Variants in PTPDC1 observed in about 807,000 individuals in gnomAD.
The protein encoded by PTPDC1 is protein tyrosine phosphatase domain-containing protein 1.
Under a neutral mutation model 75.3 loss-of-function variants are expected in PTPDC1, and 53 were observed. The ratio of observed to expected loss-of-function variants is 0.70; its 90% CI spans 0.56 to 0.88. PTPDC1 has a LOEUF of 0.88. PTPDC1 is among the 40% of genes least tolerant of loss of function. PTPDC1 has a pLI of 0.00. For synonymous variants in PTPDC1, 349 were observed against 366.2 expected (o/e 0.95, Z 0.54); for missense variants, 925 against 998.6 (o/e 0.93, Z 0.99).
Position 94,084,594 on chromosome 9 carries a change from G to A in PTPDC1, c.64G>A (p.Gly22Ser), listed in dbSNP as rs1188097586. 1.2e-6 allele frequency: 2 copies of A among 1,613,678 alleles called. No individual in the cohort carries two copies. The highest frequency in any genetic ancestry group is 2.2e-5 in the South Asian group (2 of 91,028). The change falls in exon 1 of 9, where the codon GGC (glycine) becomes AGC (serine). Residue 22 changes from glycine (G) to serine (S), a missense_variant. Coordinates refer to ENST00000620992, the MANE Select transcript of PTPDC1 (RefSeq NM_001253829.2). ...AVRFLSSFLQ[G>S]RRHSTSDPVL... The stretch of plus-strand genomic sequence containing the variant: ...GCGCTTCCTCAGCTCCTTTCTCCAG[G>A]GCCGCCGGCACTCCACCTCAGACCC...
intron 2 of PTPDC1, among the ~76,000 whole-genome samples, chr9:94,070,173 T>G (rs1826464138): frequency 6.6e-6 from 1 of 152,186 alleles, no homozygotes; most frequent in East Asian, 1.9e-4. Context: ...GCTGTTCCCA[T>G]TTATAATTAT....
At chr9:94,102,018 A>C (rs73653435) in intron 7 of PTPDC1, among the ~76,000 whole-genome samples, 4,433 of 152,310 alleles carry the variant, frequency 0.029, 203 homozygotes, top group African/African-American at 0.1. Context: ...ATGTATATTA[A>C]CTTGTTAAAA....
At chr9:94,099,133 TACGTGCC>T (rs1313265932) in intron 6 of PTPDC1, among the ~76,000 whole-genome samples, 1 of 152,254 alleles carries the variant, frequency 6.6e-6, no homozygotes, top group Non-Finnish European at 1.5e-5. Flanking sequence ...CACAGATTAC[TACGTGCC>T]ATTCACTTTA....
intron 2 of PTPDC1, among the ~76,000 whole-genome samples, chr9:94,070,075 T>G (rs920913246): frequency 5.4e-5 from 8 of 146,928 alleles, no homozygotes; most frequent in African/African-American, 2.0e-4. Flanking sequence ...CGCCCGCCTC[T>G]GCCTCCCAAA....
rs1366814117 is a variant in PTPDC1 at position 94,108,264 on chromosome 9, C to T, written c.*320C>T. On this transcript the variant is annotated 3_prime_UTR_variant, in exon 9 of 9. Coordinates refer to ENST00000620992, the MANE Select transcript of PTPDC1 (RefSeq NM_001253829.2). Reference sequence around the variant, plus strand: ...TTTCTTTTGACATTTTGGAAATAATCATAACTTGTCTTTCCAAAATAACCA... The same window carrying T: ...TTTCTTTTGACATTTTGGAAATAATTATAACTTGTCTTTCCAAAATAACCA... The T allele has an allele frequency of 6.1e-6, 1 of 162,748 alleles. No homozygotes were observed. Among genetic ancestry groups the T allele is most frequent in the Non-Finnish European group, 1.3e-5 (1 of 74,948 alleles). The allele number at this position is 162,748 out of a possible 1,614,324, so 10.1% of individuals were successfully genotyped here.
chr9:94,085,405 G>A lies in PTPDC1; in HGVS notation c.399G>A (p.Lys133=), dbSNP rs765981850. 3 of 1,614,018 alleles carry A rather than the reference G, an allele frequency of 1.9e-6. No individual in the cohort carries two copies. Among genetic ancestry groups the A allele is most frequent in the African/African-American group, 2.7e-5 (2 of 74,916 alleles). The stretch of plus-strand genomic sequence containing the variant: ...GGAGTGAGCAGGAGCAAGCCATTAA[G>A]GGGGTTTACTCATCCTGGTGAGTGA... ...ARWSEQEQAI[K]GVYSSWVTDN... is the part of the protein sequence containing the mutation. The change falls in exon 2 of 9, where the codon AAG becomes AAA. Residue 133 remains lysine (K), a synonymous_variant. Transcript: ENST00000620992.
chr9:94,038,304 G>T, intron 1 of PTPDC1: 1 of 712,958 alleles, frequency 1.4e-6, no homozygotes, highest in South Asian at 1.5e-5. Context: ...AAGGCAGAAA[G>T]AAAAATGATA....
chr9:94,050,519 C>T (rs1396531242), intron 1 of PTPDC1, among the ~76,000 whole-genome samples: 3 of 152,236 alleles, frequency 2.0e-5, no homozygotes, highest in Non-Finnish European at 4.4e-5. Flanking sequence ...GTGGAGGCTG[C>T]AGAACAGCGA....
chr9:94,088,643 A>T (rs1217065488), intron 4 of PTPDC1, among the ~76,000 whole-genome samples: 1 of 152,130 alleles, frequency 6.6e-6, no homozygotes, highest in Non-Finnish European at 1.5e-5. Context: ...CAGCTTAGAA[A>T]TGGTAGTCAG....
chr9:94,035,151 T>TA (rs1825224866), intron 1 of PTPDC1, among the ~76,000 whole-genome samples: 1 of 152,228 alleles, frequency 6.6e-6, no homozygotes, highest in African/African-American at 2.4e-5. Flanking sequence ...ATTGGTGTTG[T>TA]GACTGTGTTT....
At chr9:94,094,916 G>T (rs4744314) in intron 4 of PTPDC1, among the ~76,000 whole-genome samples, 1 of 152,120 alleles carries the variant, frequency 6.6e-6, no homozygotes, top group Non-Finnish European at 1.5e-5. Context: ...AAGTGAGGCA[G>T]TGCCTCGCCC....
At chr9:94,070,025 C>T (rs532672963) in intron 2 of PTPDC1, among the ~76,000 whole-genome samples, 1 of 151,030 alleles carries the variant, frequency 6.6e-6, no homozygotes, top group Non-Finnish European at 1.5e-5. Context: ...GGGGTTTCAC[C>T]GGTTAGCCAG....
chr9:94,046,485 T>C (rs1311119886), intron 1 of PTPDC1, among the ~76,000 whole-genome samples: 1 of 152,218 alleles, frequency 6.6e-6, no homozygotes, highest in African/African-American at 2.4e-5. Context: ...GAGCATGGAA[T>C]GTTCTTCCAT....
At chr9:94,105,958 G>T (rs1444313736) in intron 8 of PTPDC1, among the ~76,000 whole-genome samples, 1 of 151,488 alleles carries the variant, frequency 6.6e-6, no homozygotes, top group East Asian at 1.9e-4. Context: ...GGGCGACAGA[G>T]CAAGACTCCA....
At chr9:94,033,825 A>G (rs1271597387) in intron 1 of PTPDC1, among the ~76,000 whole-genome samples, 1 of 152,242 alleles carries the variant, frequency 6.6e-6, no homozygotes, top group Non-Finnish European at 1.5e-5. Context: ...TAAAAAAAAT[A>G]GTGGGCCATC....
At chr9:94,036,788 A>C (rs1053708332) in intron 1 of PTPDC1, among the ~76,000 whole-genome samples, 1 of 152,342 alleles carries the variant, frequency 6.6e-6, no homozygotes, top group Non-Finnish European at 1.5e-5. Context: ...AAGACTCACA[A>C]ATAATTAATC....
chr9:94,084,783 CT>C lies in PTPDC1; in HGVS notation c.244+11del. 25 of 1,533,830 alleles carry C rather than the reference CT, an allele frequency of 1.6e-5. No individual in the cohort carries two copies. The highest frequency in any genetic ancestry group is 2.0e-5 in the Admixed American group (1 of 49,086). On this transcript the variant is annotated intron_variant, in intron 1 of 8. Transcript: ENST00000620992. ...CGAAAGAAAAAGTAAAGGTCTCTTTCTTCTTATAGATTGCCATACCTATGTA... is the reference window on the plus strand; with the variant it reads ...CGAAAGAAAAAGTAAAGGTCTCTTTCTCTTATAGATTGCCATACCTATGTA...
In PTPDC1 at chr9:94,095,356, C is replaced by G; in HGVS notation, c.656C>G (p.Ala219Gly). The G allele has an allele frequency of 6.2e-7, 1 of 1,611,740 alleles. No homozygotes were observed. The highest frequency in any genetic ancestry group is 8.5e-7 in the Non-Finnish European group (1 of 1,178,266). Residue 219 changes from alanine (A) to glycine (G), a missense_variant, in exon 5 of 9, where the codon GCG (alanine) becomes GGG (glycine). Physicochemically the swap from Ala to Gly is moderately conservative, Grantham distance 60. Coordinates refer to ENST00000620992, the MANE Select transcript of PTPDC1 (RefSeq NM_001253829.2). ...TTCGGATGGAAGGATTATGGTGTAGCGTCTCTTACTACTATCCTAGATATG... is the reference window on the plus strand; with the variant it reads ...TTCGGATGGAAGGATTATGGTGTAGGGTCTCTTACTACTATCCTAGATATG... ...YNFGWKDYGV[A>G]SLTTILDMVK...
chr9:94,101,513 C>T (rs891126211), intron 6 of PTPDC1, 53 bp from the exon 7 acceptor site: 2 of 1,420,992 alleles, frequency 1.4e-6, no homozygotes, highest in African/African-American at 2.8e-5. Context: ...GCACCTCCCT[C>T]TCCTCTCCCT....
Sources: gnomAD v4.1 joint callset for allele counts (sites outside exome capture counted in the v4.1 genomes callset) on GRCh38, gnomAD v4.1.1 for gene constraint, MANE v1.5 for transcripts, NCBI Gene and HGNC (gene_info 2026-07-23, HGNC 2026-07-21) for gene names.